Variants in AGPS observed in about 807,000 individuals in gnomAD.
The protein encoded by AGPS is alkyldihydroxyacetonephosphate synthase, peroxisomal.
In AGPS, 26 loss-of-function variants were observed where a neutral mutation model predicts 90.7. The observed-to-expected ratio is 0.29, with a 90% CI of 0.21 to 0.40. The LOEUF is 0.40. AGPS is among the 10% of genes least tolerant of loss of function. The probability of loss-of-function intolerance (pLI) is 1.00; values close to 1 mark genes in which losing one functional copy is unlikely to be tolerated. For synonymous variants in AGPS, 294 were observed against 285.3 expected (o/e 1.03, Z -0.31); for missense variants, 540 against 816.1 (o/e 0.66, Z 4.12).
At chr2:177,456,791 A>G (rs1219072909) in intron 8 of AGPS, among the ~76,000 whole-genome samples, 1 of 152,208 alleles carries the variant, frequency 6.6e-6, no homozygotes, top group Non-Finnish European at 1.5e-5. Flanking sequence ...AACGAGACAG[A>G]AAATTAACAA....
At chr2:177,454,552 G>A (rs922317751) in intron 8 of AGPS, among the ~76,000 whole-genome samples, 3 of 149,950 alleles carry the variant, frequency 2.0e-5, no homozygotes, top group Non-Finnish European at 4.5e-5. Context: ...GTGTTTTCCC[G>A]CTTCTTTGTA....
intron 9 of AGPS, among the ~76,000 whole-genome samples, chr2:177,463,403 T>C (rs144214905): frequency 7.6e-4 from 116 of 152,346 alleles, no homozygotes; most frequent in African/African-American, 2.7e-3. Flanking sequence ...GTTGTTTCCT[T>C]ATCGTCAATA....
intron 8 of AGPS, among the ~76,000 whole-genome samples, chr2:177,459,082 A>G (rs10930792): frequency 0.71 from 107,356 of 152,146 alleles, 38,262 homozygotes; most frequent in Admixed American, 0.78. Context: ...AAGATTCCCT[A>G]TTTAATCAAT....
chr2:177,518,363 G>A (rs554870779), intron 17 of AGPS, among the ~76,000 whole-genome samples: 7 of 152,204 alleles, frequency 4.6e-5, no homozygotes, highest in African/African-American at 1.4e-4. Flanking sequence ...TTGAACCCGG[G>A]AGATGGAGGT....
chr2:177,500,974 C>G (rs76053408), intron 14 of AGPS, among the ~76,000 whole-genome samples: 2 of 151,932 alleles, frequency 1.3e-5, no homozygotes, highest in African/African-American at 4.8e-5. Context: ...TTTTTAGTTT[C>G]TAAGTTATAG....
At chr2:177,486,731 A>G (rs1369286196) in intron 11 of AGPS, among the ~76,000 whole-genome samples, 1 of 142,206 alleles carries the variant, frequency 7.0e-6, no homozygotes, top group African/African-American at 2.5e-5. Context: ...AGTGGGCTAT[A>G]TGTATATTTT....
At chr2:177,442,795 C>A (rs1361342093) in intron 7 of AGPS, among the ~76,000 whole-genome samples, 1 of 133,342 alleles carries the variant, frequency 7.5e-6, no homozygotes, top group Non-Finnish European at 1.6e-5. Context: ...TGCAGTGAGC[C>A]AAGATCACAC....
At chr2:177,448,114 TAAC>T (rs1365002016) in intron 8 of AGPS, among the ~76,000 whole-genome samples, 2 of 152,118 alleles carry the variant, frequency 1.3e-5, no homozygotes, top group African/African-American at 4.8e-5. Context: ...TCATCACTAA[TAAC>T]CTCACATTAT....
At position 177,399,944 on chromosome 2, in the gene AGPS, C is replaced by T. The variant is rs1264556960; in HGVS notation, c.260+6895C>T. Among the ~76,000 whole-genome samples, 4 of 152,214 alleles carry T rather than the reference C, an allele frequency of 2.6e-5. 1 individual carries two copies. Among genetic ancestry groups the T allele is most frequent in the African/African-American group, 4.8e-5 (2 of 41,538 alleles). On this transcript the variant is annotated intron_variant, in intron 1 of 19. Coordinates refer to ENST00000264167, the MANE Select transcript of AGPS (RefSeq NM_003659.4). ...CTAGTCACATTTTGTTTATCCTCAT[C>T]GATGAATAGTATTCCATTGGGTAGA...
chr2:177,393,012 C>T lies in AGPS; in HGVS notation c.223C>T (p.Pro75Ser). 3 of 1,550,356 alleles carry T rather than the reference C, an allele frequency of 1.9e-6. No homozygotes were observed. The highest frequency in any genetic ancestry group is 2.4e-5 in the South Asian group (2 of 84,064). The change falls in exon 1 of 20, where the codon CCC (proline) becomes TCC (serine). Residue 75 changes from proline (P) to serine (S), a missense_variant. Physicochemically the swap from Pro to Ser is moderately conservative, Grantham distance 74. Transcript: ENST00000264167. ...SAATAAPTAT[P>S]AAQESGTIPK... ...GGCCACGGCAGCGCCCACGGCCACT[C>T]CCGCCGCGCAGGAGTCGGGCACCAT...
intron 1 of AGPS, among the ~76,000 whole-genome samples, chr2:177,403,437 T>C (rs1381394360): frequency 1.3e-5 from 2 of 152,186 alleles, no homozygotes; most frequent in Non-Finnish European, 2.9e-5. Flanking sequence ...GGCAATGTAA[T>C]AAAGTTTATA....
chr2:177,467,939 T>A (rs984462891), intron 9 of AGPS, among the ~76,000 whole-genome samples: 9 of 152,244 alleles, frequency 5.9e-5, no homozygotes, highest in Admixed American at 3.9e-4. Flanking sequence ...TCATAATTAA[T>A]ATTTAATTCT....
intron 13 of AGPS, among the ~76,000 whole-genome samples, chr2:177,498,388 T>C (rs1044400814): frequency 1.3e-5 from 2 of 151,664 alleles, no homozygotes; most frequent in Non-Finnish European, 3.0e-5. Flanking sequence ...TGATGTATCT[T>C]TTTTTGAGAT....
intron 14 of AGPS, among the ~76,000 whole-genome samples, chr2:177,501,337 A>G (rs1688555748): frequency 1.3e-5 from 2 of 152,170 alleles, no homozygotes; most frequent in South Asian, 4.1e-4. Flanking sequence ...TCAATTAAGT[A>G]TGGCTAGTAA....
chr2:177,446,343 G>A (rs1290531378), intron 8 of AGPS, among the ~76,000 whole-genome samples: 2 of 151,748 alleles, frequency 1.3e-5, no homozygotes, highest in Admixed American at 6.6e-5. Context: ...TTAGTAGGAC[G>A]GCGTTTCACC....
intron 2 of AGPS, among the ~76,000 whole-genome samples, chr2:177,421,330 T>C (rs1685934260): frequency 6.6e-6 from 1 of 152,058 alleles, no homozygotes; most frequent in Non-Finnish European, 1.5e-5. Flanking sequence ...TTACTATACT[T>C]AAGTTAATGT....
intron 9 of AGPS, among the ~76,000 whole-genome samples, chr2:177,465,351 T>G (rs1687415957): frequency 6.6e-6 from 1 of 152,114 alleles, no homozygotes; most frequent in Admixed American, 6.5e-5. Context: ...TTTAACATCT[T>G]CGTATTCATC....
chr2:177,533,230 A>G (rs1040841038), intron 19 of AGPS, among the ~76,000 whole-genome samples: 2 of 152,180 alleles, frequency 1.3e-5, no homozygotes, highest in Non-Finnish European at 2.9e-5. Context: ...GCAATGTTGT[A>G]GTTAGAGTGT....
chr2:177,426,391 T>A (rs1186980103), intron 2 of AGPS, among the ~76,000 whole-genome samples: 3 of 152,248 alleles, frequency 2.0e-5, no homozygotes, highest in Non-Finnish European at 4.4e-5. Flanking sequence ...TATTTCTTTC[T>A]CTTGCCTGGT....
Sources: gnomAD v4.1 joint callset for allele counts (sites outside exome capture counted in the v4.1 genomes callset) on GRCh38, gnomAD v4.1.1 for gene constraint, MANE v1.5 for transcripts, NCBI Gene and HGNC (gene_info 2026-07-23, HGNC 2026-07-21) for gene names.